The following ZBTB7C variants were observed in gnomAD, a reference collection of about 807,000 sequenced individuals.
ZBTB7C encodes the protein zinc finger and BTB domain containing 7C.
ZBTB7C carries 8 observed loss-of-function variants against 25.7 expected under a neutral mutation model. The ratio of observed to expected loss-of-function variants is 0.31; its 90% CI spans 0.18 to 0.56. The LOEUF (loss-of-function observed/expected upper bound fraction) is 0.56. Ranked by LOEUF, ZBTB7C falls within the 20% of genes least tolerant of loss-of-function variation. The pLI is 0.91. For synonymous variants in ZBTB7C, 394 were observed against 369.0 expected (o/e 1.07, Z -0.78); for missense variants, 824 against 855.2 (o/e 0.96, Z 0.46).
chr18:48,364,212 G>A (rs1250092446), intron 1 of ZBTB7C: 2 of 152,252 alleles, frequency 1.3e-5, no homozygotes, highest in Non-Finnish European at 2.9e-5. Context: ...GTTGCAGGGG[G>A]TGCTGGAGAC....
chr18:48,342,358 T>G (rs1383921374), intron 1 of ZBTB7C, among the ~76,000 whole-genome samples: 2 of 151,950 alleles, frequency 1.3e-5, no homozygotes, highest in Non-Finnish European at 2.9e-5. Flanking sequence ...GCACAAAGAG[T>G]CAGGTTCCCA....
At chr18:48,234,513 C>CAT (rs899314366) in intron 2 of ZBTB7C, among the ~76,000 whole-genome samples, 2 of 151,090 alleles carry the variant, frequency 1.3e-5, no homozygotes, top group African/African-American at 4.9e-5. Context: ...TGTGTACATG[C>CAT]GTGTGTGTGT....
At chr18:48,301,532 G>C (rs1053250015) in intron 2 of ZBTB7C, among the ~76,000 whole-genome samples, 1 of 152,212 alleles carries the variant, frequency 6.6e-6, no homozygotes, top group Non-Finnish European at 1.5e-5. Context: ...AGGGAGGAGT[G>C]GGGGAGTGGG....
At chr18:48,395,293 G>C (rs1004163083) in intron 1 of ZBTB7C, among the ~76,000 whole-genome samples, 1 of 146,022 alleles carries the variant, frequency 6.8e-6, no homozygotes, top group African/African-American at 2.5e-5. Context: ...GTGTGTGTGT[G>C]TGTGTGTGTG....
chr18:48,073,472 G>T lies in ZBTB7C; in HGVS notation c.-16-32349C>A, dbSNP rs146615005. The stretch of plus-strand genomic sequence containing the variant: ...TCTTTATTTGTGGGCTTGGGTGTGG[G>T]GTGCAGGAAACAATGCAAACAGAAG... On this transcript the variant is annotated intron_variant, in intron 3 of 4. Coordinates refer to ENST00000590800, the MANE Select transcript of ZBTB7C (RefSeq NM_001318841.2). Among the ~76,000 whole-genome samples, 7 of 152,226 alleles carry T rather than the reference G, an allele frequency of 4.6e-5. No individual in the cohort carries two copies. In the East Asian group the frequency reaches 1.4e-3, roughly 30 times the overall value.
chr18:48,161,881 C>T (rs2041063425), intron 3 of ZBTB7C, among the ~76,000 whole-genome samples: 1 of 151,980 alleles, frequency 6.6e-6, no homozygotes, highest in Admixed American at 6.5e-5. Flanking sequence ...GCCTGTTTCC[C>T]GGGCCTCTCC....
intron 1 of ZBTB7C, among the ~76,000 whole-genome samples, chr18:48,381,681 G>T (rs1032721769): frequency 6.6e-6 from 1 of 152,206 alleles, no homozygotes. Context: ...AGTAACAAAA[G>T]AAATCACAAT....
intron 3 of ZBTB7C, among the ~76,000 whole-genome samples, chr18:48,162,074 G>A (rs948192491): frequency 1.2e-4 from 17 of 138,088 alleles, no homozygotes; most frequent in Non-Finnish European, 2.0e-4. Flanking sequence ...TGAGAGGGGC[G>A]AACGCAGAGC....
At chr18:48,332,673 C>CTTTTTTTTT (rs58216606) in intron 2 of ZBTB7C, among the ~76,000 whole-genome samples, 1 of 85,740 alleles carries the variant, frequency 1.2e-5, no homozygotes, top group Non-Finnish European at 2.2e-5. Flanking sequence ...CTCTCCTTTG[C>CTTTTTTTTT]TTTTTTTTTT....
chr18:48,069,396 G>A (rs938907058), intron 3 of ZBTB7C, among the ~76,000 whole-genome samples: 4 of 152,136 alleles, frequency 2.6e-5, no homozygotes, highest in Admixed American at 6.5e-5. Flanking sequence ...GTTCCTGACC[G>A]GATTTACAGT....
At chr18:48,042,688 C>G (rs2036301587) in intron 3 of ZBTB7C, among the ~76,000 whole-genome samples, 1 of 152,212 alleles carries the variant, frequency 6.6e-6, no homozygotes, top group Admixed American at 6.5e-5. Context: ...CCTAAGCAAT[C>G]CCACTGGCCA....
At chr18:48,034,049 C>T (rs2035868122) in intron 4 of ZBTB7C, among the ~76,000 whole-genome samples, 1 of 152,188 alleles carries the variant, frequency 6.6e-6, no homozygotes, top group Non-Finnish European at 1.5e-5. Context: ...CATATTCAAT[C>T]TGCCTGTGGA....
chr18:48,164,729 A>G (rs190367331), intron 3 of ZBTB7C, among the ~76,000 whole-genome samples: 1 of 152,314 alleles, frequency 6.6e-6, no homozygotes, highest in African/African-American at 2.4e-5. Context: ...AAAGCTCAGC[A>G]TAACCTAGAG....
intron 3 of ZBTB7C, among the ~76,000 whole-genome samples, chr18:48,144,726 C>A (rs527494407): frequency 6.6e-6 from 1 of 152,226 alleles, no homozygotes; most frequent in South Asian, 2.1e-4. Flanking sequence ...ACTCAGGACT[C>A]CAAGTGTGTG....
intron 2 of ZBTB7C, among the ~76,000 whole-genome samples, chr18:48,230,456 A>G (rs2043221788): frequency 6.6e-6 from 1 of 152,210 alleles, no homozygotes; most frequent in African/African-American, 2.4e-5. Context: ...CTAAAAAAAT[A>G]AAGCCACTGA....
intron 3 of ZBTB7C, chr18:48,169,780 T>TC (rs5824737): frequency 0.22 from 33,223 of 152,180 alleles, 3,811 homozygotes; most frequent in African/African-American, 0.26. Context: ...CCCTTTTTTT[T>TC]CTTAAAGATA....
intron 3 of ZBTB7C, among the ~76,000 whole-genome samples, chr18:48,144,762 C>T (rs940068996): frequency 6.6e-6 from 1 of 152,090 alleles, no homozygotes; most frequent in Non-Finnish European, 1.5e-5. Flanking sequence ...TCTTCACTCC[C>T]GATTGAGGGA....
At chr18:48,290,400 G>A (rs1307902204) in intron 2 of ZBTB7C, among the ~76,000 whole-genome samples, 1 of 152,264 alleles carries the variant, frequency 6.6e-6, no homozygotes, top group African/African-American at 2.4e-5. Flanking sequence ...CTCTGTGCGG[G>A]GAGAGGGTGG....
At chr18:48,316,073 C>G (rs1175427111) in intron 2 of ZBTB7C, among the ~76,000 whole-genome samples, 2 of 152,204 alleles carry the variant, frequency 1.3e-5, no homozygotes, top group East Asian at 3.8e-4. Context: ...CACCCAGACC[C>G]TGCCTCACAC....
Sources: allele counts gnomAD v4.1 joint callset (sites outside exome capture counted in the v4.1 genomes callset), GRCh38; gene constraint gnomAD v4.1.1; transcripts MANE v1.5; gene names NCBI Gene and HGNC (gene_info 2026-07-23, HGNC 2026-07-21).